ADCY10: variants seen among roughly 807,000 people sequenced by gnomAD.
ADCY10 encodes the protein adenylate cyclase type 10.
A neutral mutation model predicts 183.3 loss-of-function variants in ADCY10; 156 were observed. The ratio of observed to expected loss-of-function variants is 0.85; its 90% CI spans 0.75 to 0.97. ADCY10 has a LOEUF of 0.97. Among genes scored for constraint, ADCY10 ranks in the 50% least tolerant of loss-of-function variants. The pLI, the probability that ADCY10 is intolerant of heterozygous loss-of-function variation, is 0.00. For missense variants in ADCY10, 1,745 were observed against 1,934.3 expected (o/e 0.90, Z 1.84); for synonymous variants, 645 against 670.0 (o/e 0.96, Z 0.58).
At chr1:167,847,130 T>C (rs1665100675) in intron 19 of ADCY10, among the ~76,000 whole-genome samples, 1 of 152,016 alleles carries the variant, frequency 6.6e-6, no homozygotes, top group Non-Finnish European at 1.5e-5. Flanking sequence ...TTTCACCATG[T>C]TGACCAGGCT....
At chr1:167,827,949 C>T (rs527935328) in intron 26 of ADCY10, among the ~76,000 whole-genome samples, 4 of 150,962 alleles carry the variant, frequency 2.6e-5, no homozygotes, top group African/African-American at 4.9e-5. Flanking sequence ...CCTGACCTCA[C>T]GTGATCCGCC....
At chr1:167,909,711 G>A (rs975551442) in intron 1 of ADCY10, among the ~76,000 whole-genome samples, 1 of 151,996 alleles carries the variant, frequency 6.6e-6, no homozygotes, top group African/African-American at 2.4e-5. Flanking sequence ...CCAAAGTGAT[G>A]GTACCAACTT....
chr1:167,896,803 C>T lies in ADCY10; in HGVS notation c.643-112G>A, dbSNP rs529358358. ...GCTTTTGACTGAACAGTGATTGGCA[C>T]ACTTAAACACCAAGACTATTTGATT... On this transcript the variant is annotated intron_variant, in intron 6 of 32. Transcript: ENST00000367851. 6.2e-5 allele frequency: 46 copies of T among 737,246 alleles called. 1 individual carries two copies. Among genetic ancestry groups the T allele is most frequent in the South Asian group, 2.1e-4 (14 of 66,364 alleles). 45.7% of individuals were successfully genotyped at this position (737,246 alleles called of 1,614,324 possible).
chr1:167,866,320 G>A (rs887858470), intron 14 of ADCY10, among the ~76,000 whole-genome samples: 9 of 152,108 alleles, frequency 5.9e-5, no homozygotes, highest in Admixed American at 1.3e-4. Flanking sequence ...GGAGTCCCAC[G>A]AGGAATACCA....
rs773448816 is a variant in ADCY10 at position 167,836,403 on chromosome 1, G to A, written c.3215C>T (p.Ala1072Val). 6.2e-7 allele frequency: 1 copy of A among 1,614,094 alleles called. No homozygotes were observed. Among genetic ancestry groups the A allele is most frequent in the Non-Finnish European group, 8.5e-7 (1 of 1,179,980 alleles). The change falls in exon 23 of 33, where the codon GCC becomes GTC. Residue 1072 changes from alanine (A) to valine (V), a missense_variant. Physicochemically the swap from Ala to Val is moderately conservative, Grantham distance 64. Coordinates refer to ENST00000367851, the MANE Select transcript of ADCY10 (RefSeq NM_018417.6). ...TTCTCCCAAAGCCAGAAAATGGTGGGCCAGAGGCAAGATGACAATCTCTAG... is the reference window on the plus strand; with the variant it reads ...TTCTCCCAAAGCCAGAAAATGGTGGACCAGAGGCAAGATGACAATCTCTAG... ...EILEIVILPL[A>V]HHFLALGEND... is the part of the protein sequence containing the mutation.
Position 167,809,661 on chromosome 1 carries a change from C to CT in ADCY10, c.*16dup. The stretch of plus-strand genomic sequence containing the variant: ...ACAAGGACATAGTGCTTATTAAAAT[C>CT]TTTTTTCTTTGACATGTTAGAAATG... On this transcript the variant is annotated 3_prime_UTR_variant, in exon 33 of 33. Coordinates refer to ENST00000367851, the MANE Select transcript of ADCY10 (RefSeq NM_018417.6). 1 of 1,613,732 alleles carries CT rather than the reference C, an allele frequency of 6.2e-7. No individual in the cohort carries two copies. Among genetic ancestry groups the CT allele is most frequent in the South Asian group, 1.1e-5 (1 of 91,068 alleles).
rs557851956 is a variant in ADCY10 at position 167,886,317 on chromosome 1, C to T, written c.829-2689G>A. ...AAACTATACTACAAGGCTACAGTAA[C>T]CAAAACAGCATGGTACTGGTACCAA... On this transcript the variant is annotated intron_variant, in intron 8 of 32. Transcript: ENST00000367851. Among the ~76,000 whole-genome samples, 493 of 152,264 alleles carry T rather than the reference C, an allele frequency of 3.2e-3. 1 individual carries two copies. Among genetic ancestry groups the T allele is most frequent in the Non-Finnish European group, 4.9e-3 (331 of 68,030 alleles).
Position 167,846,089 on chromosome 1 carries a change from T to TA in ADCY10, c.2611dup (p.Tyr871LeufsTer17), listed in dbSNP as rs759091709. 1.2e-6 allele frequency: 2 copies of TA among 1,614,122 alleles called. No homozygotes were observed. The highest frequency in any genetic ancestry group is 2.2e-5 in the East Asian group (1 of 44,880). On this transcript the variant is annotated frameshift_variant, in exon 20 of 33. Coordinates refer to ENST00000367851, the MANE Select transcript of ADCY10 (RefSeq NM_018417.6). LOFTEE classifies it high-confidence loss of function. ...AAGCTCCTTGCCATTCCGGAAACAA[T>TA]AAAAAATGTTAGATTCCACTAGGGT...
chr1:167,847,013 C>T (rs746487008), intron 19 of ADCY10, among the ~76,000 whole-genome samples: 93 of 151,872 alleles, frequency 6.1e-4, no homozygotes, highest in Non-Finnish European at 3.5e-4. Context: ...GCAACCTCCG[C>T]CTCCTGGGTT....
rs781209806 is a variant in ADCY10 at position 167,854,341 on chromosome 1, C to G, written c.2308+12G>C. 3 of 1,613,978 alleles carry G rather than the reference C, an allele frequency of 1.9e-6. No individual in the cohort carries two copies. The South Asian group carries it at 3.3e-5, about 18-fold the overall frequency. ...GAACAGAGTAAGAAAGAACCATCAC[C>G]GCAGGACTTACTGAACAGGTTATTC... On this transcript the variant is annotated intron_variant, in intron 18 of 32. Transcript: ENST00000367851.
chr1:167,894,459 A>C (rs1026811028), intron 7 of ADCY10, among the ~76,000 whole-genome samples: 1 of 152,048 alleles, frequency 6.6e-6, no homozygotes, highest in Admixed American at 6.6e-5. Context: ...GTTGAGCTTC[A>C]TGATCTCTGT....
In ADCY10 at chr1:167,817,047, C is replaced by T. The variant is rs566951851; in HGVS notation, c.4482+1025G>A. ...GACCAGACCACCCAGGCTTTGGACC[C>T]GCCAAACTGTGAGTTAAGAAGTGGT... is the stretch of plus-strand genomic sequence containing the variant. On this transcript the variant is annotated intron_variant, in intron 31 of 32. Coordinates refer to ENST00000367851, the MANE Select transcript of ADCY10 (RefSeq NM_018417.6). Among the ~76,000 whole-genome samples, 18 of 152,254 alleles carry T rather than the reference C, an allele frequency of 1.2e-4. No individual in the cohort carries two copies. In the East Asian group the frequency reaches 1.7e-3, roughly 15 times the overall value.
intron 4 of ADCY10, 53 bp downstream of exon 4, chr1:167,901,963 C>T (rs187634724): frequency 1.7e-4 from 278 of 1,609,822 alleles, no homozygotes; most frequent in South Asian, 7.7e-5. Context: ...CACAGAAGCA[C>T]AGGCACCTCA....
intron 8 of ADCY10, among the ~76,000 whole-genome samples, chr1:167,884,148 T>C (rs564164553): frequency 6.6e-6 from 1 of 152,200 alleles, no homozygotes; most frequent in Non-Finnish European, 1.5e-5. Context: ...TGTATGGTTG[T>C]ATTAGTCCGT....
Position 167,870,334 on chromosome 1 carries a change from C to T in ADCY10, c.1539G>A (p.Met513Ile), listed in dbSNP as rs781116365. ...FLISNSSQVL[M>I]YEGLPGYGKS... Reference sequence around the variant, plus strand: ...TTCCATATCCTGGTAATCCCTCATACATTAAGACTTGGCTGCTGTTAGATA... The same window carrying T: ...TTCCATATCCTGGTAATCCCTCATATATTAAGACTTGGCTGCTGTTAGATA... The change falls in exon 14 of 33, where the codon ATG (methionine) becomes ATA (isoleucine). Residue 513 changes from methionine (M) to isoleucine (I), a missense_variant. By Grantham distance (10) the Met-to-Ile change is conservative. Coordinates refer to ENST00000367851, the MANE Select transcript of ADCY10 (RefSeq NM_018417.6). 6.2e-7 allele frequency: 1 copy of T among 1,613,970 alleles called. No homozygotes were observed. The highest frequency in any genetic ancestry group is 8.5e-7 in the Non-Finnish European group (1 of 1,179,904).
Position 167,859,808 on chromosome 1 carries a change from A to G in ADCY10, c.1895T>C (p.Leu632Pro), listed in dbSNP as rs1666162382. Residue 632 changes from leucine (L) to proline (P), a missense_variant and splice_region_variant, in exon 16 of 33, where the codon CTG becomes CCG. Transcript: ENST00000367851. ...TTCTTGACCCACAGATGCTCTTACC[A>G]GCTTCAAGATCTTCATAAACAATAT... ...LEILFMKILKLIVKEERIIFI... is the reference protein window; with the variant it reads ...LEILFMKILKPIVKEERIIFI... 1.9e-6 allele frequency: 3 copies of G among 1,611,752 alleles called. No individual in the cohort carries two copies. Among genetic ancestry groups the G allele is most frequent in the African/African-American group, 1.3e-5 (1 of 74,860 alleles).
At chr1:167,832,847 C>A in intron 25 of ADCY10, 140 bp downstream of exon 25, 1 of 850,816 alleles carries the variant, frequency 1.2e-6, no homozygotes, top group Non-Finnish European at 1.9e-6. Flanking sequence ...ACACTCGCCC[C>A]CTCCCCAGTG....
At chr1:167,888,647 C>T (rs1464956343) in intron 8 of ADCY10, among the ~76,000 whole-genome samples, 2 of 151,950 alleles carry the variant, frequency 1.3e-5, no homozygotes, top group Admixed American at 6.6e-5. Flanking sequence ...GAGGCCGAGG[C>T]GGGCGGATCA....
chr1:167,862,481 A>G (rs1666355026), intron 14 of ADCY10, among the ~76,000 whole-genome samples: 2 of 152,190 alleles, frequency 1.3e-5, no homozygotes, highest in South Asian at 4.1e-4. Flanking sequence ...GCAGGTGGGC[A>G]TGAAACAGAT....
Sources: allele counts gnomAD v4.1 joint callset (sites outside exome capture counted in the v4.1 genomes callset), GRCh38; gene constraint gnomAD v4.1.1; transcripts MANE v1.5; gene names NCBI Gene and HGNC (gene_info 2026-07-23, HGNC 2026-07-21).